The following ARB2A variants were observed in gnomAD, a reference collection of about 807,000 sequenced individuals.
ARB2A encodes the protein ARB2 cotranscriptional regulator A.
chr5:93,994,450 G>A, the ARB2A span, among the ~76,000 whole-genome samples: 1 of 152,104 alleles, frequency 6.6e-6, no homozygotes, highest in African/African-American at 2.4e-5. Context: ...ACTTACATGA[G>A]GCATCTAAAA....
chr5:93,676,527 T>C, the ARB2A span, among the ~76,000 whole-genome samples: 3 of 152,160 alleles, frequency 2.0e-5, no homozygotes, highest in Non-Finnish European at 4.4e-5. Flanking sequence ...TTAAATTATA[T>C]CTTAACCTAT....
the ARB2A span, among the ~76,000 whole-genome samples, chr5:93,907,932 G>A: frequency 6.6e-6 from 1 of 151,116 alleles, no homozygotes; most frequent in Non-Finnish European, 1.5e-5. Context: ...TAACAACATT[G>A]AAAATACTTT....
the ARB2A span, among the ~76,000 whole-genome samples, chr5:93,956,254 G>A: frequency 2.0e-5 from 3 of 152,110 alleles, no homozygotes; most frequent in Non-Finnish European, 2.9e-5. Flanking sequence ...TGGGGCATTT[G>A]GTGAAGAAAT....
At chr5:94,055,964 A>G in the ARB2A span, 1 of 887,928 alleles carries the variant, frequency 1.1e-6, no homozygotes, top group Non-Finnish European at 1.3e-6. Flanking sequence ...TTTCATATAC[A>G]TTACTTCATT....
chr5:93,640,007 A>C, the ARB2A span, among the ~76,000 whole-genome samples: 1 of 143,674 alleles, frequency 7.0e-6, no homozygotes, highest in Admixed American at 7.2e-5. Context: ...CAGTGAGCCG[A>C]GATCGTGTCA....
chr5:93,764,982 C>A, the ARB2A span, among the ~76,000 whole-genome samples: 1 of 152,164 alleles, frequency 6.6e-6, no homozygotes, highest in Admixed American at 6.5e-5. Flanking sequence ...AGACCTTTGA[C>A]AAAATTCAAC....
At chr5:94,030,947 C>T in the ARB2A span, among the ~76,000 whole-genome samples, 1 of 152,182 alleles carries the variant, frequency 6.6e-6, no homozygotes, top group Admixed American at 6.5e-5. Flanking sequence ...CAACAGAAGC[C>T]AAACAGACAA....
chr5:93,988,015 A>G, the ARB2A span, among the ~76,000 whole-genome samples: 1 of 152,170 alleles, frequency 6.6e-6, no homozygotes. Flanking sequence ...TGCTCAGTCT[A>G]TAAGCCTAAG....
chr5:94,086,180 T>TCA, the ARB2A span, among the ~76,000 whole-genome samples: 1 of 152,222 alleles, frequency 6.6e-6, no homozygotes, highest in South Asian at 2.1e-4. Flanking sequence ...TATCAGTATA[T>TCA]CACATACATA....
At chr5:93,956,715 C>G in the ARB2A span, among the ~76,000 whole-genome samples, 2 of 151,804 alleles carry the variant, frequency 1.3e-5, no homozygotes, top group African/African-American at 4.8e-5. Flanking sequence ...GCTTCTTATT[C>G]CCTGTTTATT....
At chr5:93,626,529 C>T in the ARB2A span, among the ~76,000 whole-genome samples, 51 of 152,256 alleles carry the variant, frequency 3.3e-4, no homozygotes, top group Admixed American at 3.0e-3. Flanking sequence ...TTACAGACCA[C>T]CCCAATGAAG....
At chr5:93,741,595 G>A in the ARB2A span, 2 of 1,474,142 alleles carry the variant, frequency 1.4e-6, no homozygotes, top group Non-Finnish European at 1.8e-6. Context: ...GGCTCTGGTA[G>A]GAACTGATGG....
the ARB2A span, chr5:94,053,323 T>C: frequency 4.4e-6 from 3 of 679,496 alleles, no homozygotes; most frequent in South Asian, 2.4e-5. Context: ...CTTTGTTCTA[T>C]TAATTTTTAT....
chr5:93,852,482 G>T, the ARB2A span, among the ~76,000 whole-genome samples: 29 of 152,144 alleles, frequency 1.9e-4, no homozygotes, highest in African/African-American at 6.7e-4. Flanking sequence ...GTTAATTTTG[G>T]CTTTTGTTGC....
At chr5:93,955,690 T>G in the ARB2A span, among the ~76,000 whole-genome samples, 1 of 152,228 alleles carries the variant, frequency 6.6e-6, no homozygotes, top group Non-Finnish European at 1.5e-5. Context: ...CAAATATAAC[T>G]GCCATCAAGT....
chr5:93,634,922 G>A, the ARB2A span, among the ~76,000 whole-genome samples: 1 of 151,972 alleles, frequency 6.6e-6, no homozygotes, highest in Non-Finnish European at 1.5e-5. Flanking sequence ...TTACAGGTGC[G>A]TGCCACCACG....
At chr5:93,915,030 T>C in the ARB2A span, among the ~76,000 whole-genome samples, 2 of 151,990 alleles carry the variant, frequency 1.3e-5, no homozygotes, top group Admixed American at 6.6e-5. Flanking sequence ...CTCTTTCCCA[T>C]AAATGTAAAA....
At chr5:93,985,915 G>A in the ARB2A span, among the ~76,000 whole-genome samples, 1 of 147,598 alleles carries the variant, frequency 6.8e-6, no homozygotes, top group East Asian at 2.1e-4. Flanking sequence ...CCCTCTGCCC[G>A]GCCACCCAGT....
At chr5:93,667,666 C>T in the ARB2A span, among the ~76,000 whole-genome samples, 2 of 152,222 alleles carry the variant, frequency 1.3e-5, no homozygotes, top group South Asian at 4.2e-4. Context: ...GCTATGTTGT[C>T]CAGGCTGGTC....
Sources: allele counts gnomAD v4.1 joint callset (sites outside exome capture counted in the v4.1 genomes callset), GRCh38; gene constraint gnomAD v4.1.1; transcripts MANE v1.5; gene names NCBI Gene and HGNC (gene_info 2026-07-23, HGNC 2026-07-21).